ERG: variants seen among roughly 807,000 people sequenced by gnomAD.
The protein encoded by ERG is transcriptional regulator ERG.
A neutral mutation model predicts 55.3 loss-of-function variants in ERG; 9 were observed. The ratio of observed to expected loss-of-function variants is 0.16; its 90% CI spans 0.10 to 0.28. The LOEUF (loss-of-function observed/expected upper bound fraction) is 0.28. ERG is among the 10% of genes least tolerant of loss of function. ERG has a pLI of 1.00. For missense variants in ERG, 434 were observed against 631.6 expected (o/e 0.69, Z 3.35); for synonymous variants, 223 against 237.3 (o/e 0.94, Z 0.55).
At chr21:38,571,490 A>G (rs141938445) in intron 2 of ERG, among the ~76,000 whole-genome samples, 3,624 of 152,186 alleles carry the variant, frequency 0.024, 131 homozygotes, top group African/African-American at 0.083. Flanking sequence ...CAGCCTGGGC[A>G]ACAGAGCAAG....
At chr21:38,512,968 TAA>T (rs777436860) in intron 2 of ERG, among the ~76,000 whole-genome samples, 4 of 151,904 alleles carry the variant, frequency 2.6e-5, no homozygotes, top group Non-Finnish European at 5.9e-5. Context: ...CTGTCTCTAC[TAA>T]AAATACAAAA....
intron 1 of ERG, among the ~76,000 whole-genome samples, chr21:38,622,155 C>T (rs1022038285): frequency 2.6e-5 from 4 of 152,234 alleles, no homozygotes; most frequent in Non-Finnish European, 5.9e-5. Context: ...CACAGGCCTT[C>T]ATTCAGCAGG....
chr21:38,633,205 G>T (rs1053374423), intron 1 of ERG, among the ~76,000 whole-genome samples: 3 of 152,140 alleles, frequency 2.0e-5, no homozygotes, highest in African/African-American at 7.2e-5. Context: ...AAAATAGAAT[G>T]GGTTACCACA....
chr21:38,437,439 G>T (rs1366374854), intron 2 of ERG, among the ~76,000 whole-genome samples: 1 of 152,168 alleles, frequency 6.6e-6, no homozygotes, highest in African/African-American at 2.4e-5. Flanking sequence ...GCAGAAACAC[G>T]AGCATTGGCA....
In ERG at chr21:38,403,487, G is replaced by C. The variant is rs770438330; in HGVS notation, c.592+19C>G. 1 of 1,611,490 alleles carries C rather than the reference G, an allele frequency of 6.2e-7. No individual in the cohort carries two copies. The highest frequency in any genetic ancestry group is 1.3e-5 in the African/African-American group (1 of 74,874). On this transcript the variant is annotated intron_variant, in intron 4 of 9. Transcript: ENST00000288319. ...ACCATAGCCACAGCCATCTATCCTTGGAGGAAGGGGGAGCTTACTCTCTCT... is the reference window on the plus strand; with the variant it reads ...ACCATAGCCACAGCCATCTATCCTTCGAGGAAGGGGGAGCTTACTCTCTCT...
Position 38,536,623 on chromosome 21 carries a change from TA to T in ERG, c.-41+39038del, listed in dbSNP as rs1162579538. On this transcript the variant is annotated intron_variant, in intron 2 of 8. Coordinates refer to the ERG transcript ENST00000398897. Reference sequence around the variant, plus strand: ...AGAACCCAACACAGAGCCCGAGACCTAGTGGGTATTCAGTGCATGTTGAAGG... The same window carrying T: ...AGAACCCAACACAGAGCCCGAGACCTGTGGGTATTCAGTGCATGTTGAAGG... Among the ~76,000 whole-genome samples, 4 of 152,236 alleles carry T rather than the reference TA, an allele frequency of 2.6e-5. No homozygotes were observed. The East Asian group carries it at 5.8e-4, about 22-fold the overall frequency.
chr21:38,583,205 G>A (rs886217849), intron 1 of ERG, among the ~76,000 whole-genome samples: 1 of 152,208 alleles, frequency 6.6e-6, no homozygotes, highest in Non-Finnish European at 1.5e-5. Context: ...CATAAGAACT[G>A]CACAGGCCTG....
intron 2 of ERG, among the ~76,000 whole-genome samples, chr21:38,510,801 C>T (rs1421586237): frequency 6.6e-6 from 1 of 152,144 alleles, no homozygotes; most frequent in Non-Finnish European, 1.5e-5. Flanking sequence ...ACATTGAAAT[C>T]GATTTTCCCC....
downstream of ERG, among the ~76,000 whole-genome samples, chr21:38,377,714 T>A (rs1372148773): frequency 1.3e-5 from 2 of 152,042 alleles, no homozygotes; most frequent in Non-Finnish European, 2.9e-5. Flanking sequence ...ACCTCATGAG[T>A]GCAAATGGAG....
intron 2 of ERG, among the ~76,000 whole-genome samples, chr21:38,436,300 G>C (rs1264089278): frequency 1.3e-5 from 2 of 152,134 alleles, no homozygotes; most frequent in South Asian, 4.1e-4. Context: ...TTAATGTAAA[G>C]GTGAGTGCAG....
intron 3 of ERG, among the ~76,000 whole-genome samples, chr21:38,409,470 G>A (rs1344213182): frequency 1.6e-5 from 2 of 123,042 alleles, no homozygotes; most frequent in African/African-American, 6.1e-5. Context: ...TGGGCAACAA[G>A]AGCGAAACTC....
At chr21:38,506,812 G>C (rs934334397) in intron 2 of ERG, among the ~76,000 whole-genome samples, 1 of 152,118 alleles carries the variant, frequency 6.6e-6, no homozygotes, top group African/African-American at 2.4e-5. Flanking sequence ...GTAAGGCTCT[G>C]ACCGACATCT....
intron 1 of ERG, among the ~76,000 whole-genome samples, chr21:38,636,405 C>T (rs958021227): frequency 2.6e-5 from 4 of 152,068 alleles, no homozygotes; most frequent in African/African-American, 9.7e-5. Context: ...CAAGGAGGGT[C>T]CGGCTCCCAC....
chr21:38,499,036 C>A (rs569425029), upstream of ERG, among the ~76,000 whole-genome samples: 1 of 152,328 alleles, frequency 6.6e-6, no homozygotes, highest in South Asian at 2.1e-4. Context: ...GTTTCATTTT[C>A]TCCTTCCAAA....
intron 2 of ERG, among the ~76,000 whole-genome samples, chr21:38,536,894 T>C (rs1461464071): frequency 2.0e-5 from 3 of 152,112 alleles, no homozygotes; most frequent in Non-Finnish European, 2.9e-5. Context: ...AATCTCAAGA[T>C]TTAGTGTGTG....
rs551346580 is a variant in ERG, at chr21:38,423,900, C to T, written c.237-339G>A. 1.6e-4 allele frequency among the ~76,000 whole-genome samples: 24 copies of T among 152,124 alleles called. No individual in the cohort carries two copies. In the Middle Eastern group the frequency reaches 0.014, roughly 86 times the overall value. On this transcript the variant is annotated intron_variant, in intron 2 of 9. Transcript: ENST00000288319. ...CTGAGGCAGGAAAATTGCTTGAATCCGGGAGGTGGAGGTTGCAGTGAGCTG... is the reference window on the plus strand; with the variant it reads ...CTGAGGCAGGAAAATTGCTTGAATCTGGGAGGTGGAGGTTGCAGTGAGCTG...
rs375391601 is a variant in ERG, at chr21:38,573,553, C to T, written c.-41+2109G>A. Among the ~76,000 whole-genome samples the T allele has an allele frequency of 5.7e-4, 87 of 152,308 alleles. 1 individual carries two copies. In the South Asian group the frequency reaches 0.013, roughly 23 times the overall value. On this transcript the variant is annotated intron_variant, in intron 2 of 8. Coordinates refer to the ERG transcript ENST00000398897. ...GGGTGGAGAGAAACATACATCTGGC[C>T]TATGTGCACATCCAGGCATAGTACC...
At chr21:38,412,858 GTC>G (rs1488180703) in intron 3 of ERG, among the ~76,000 whole-genome samples, 1 of 152,028 alleles carries the variant, frequency 6.6e-6, no homozygotes, top group East Asian at 1.9e-4. Flanking sequence ...TCTTTAGCGG[GTC>G]TCTATCTGCA....
chr21:38,590,198 G>A lies in ERG; in HGVS notation c.-149-5253C>T, dbSNP rs539938358. Among the ~76,000 whole-genome samples the A allele has an allele frequency of 5.3e-5, 8 of 152,276 alleles. No individual in the cohort carries two copies. In the South Asian group the frequency reaches 1.7e-3, roughly 32 times the overall value. ...CCTCCCCTCAATAAACAAAGGCTAT[G>A]ATGAGAGGTTATACTTTAAATTAAA... On this transcript the variant is annotated intron_variant, in intron 1 of 10. Transcript: ENST00000398910.
Sources: allele counts gnomAD v4.1 joint callset (sites outside exome capture counted in the v4.1 genomes callset), GRCh38; gene constraint gnomAD v4.1.1; transcripts MANE v1.5; gene names NCBI Gene and HGNC (gene_info 2026-07-23, HGNC 2026-07-21).